SH3GL2: variants seen among roughly 807,000 people sequenced by gnomAD.
SH3GL2 encodes SH3 domain containing GRB2 like 2, endophilin A1.
SH3GL2 carries 24 observed loss-of-function variants against 46.0 expected under a neutral mutation model. The ratio of observed to expected loss-of-function variants is 0.52; its 90% CI spans 0.38 to 0.73. The LOEUF is 0.73. Ranked by LOEUF, SH3GL2 falls within the 30% of genes least tolerant of loss-of-function variation. The pLI, the probability that SH3GL2 is intolerant of heterozygous loss-of-function variation, is 0.00. For synonymous variants in SH3GL2, 196 were observed against 147.1 expected (o/e 1.33, Z -2.40); for missense variants, 413 against 424.2 (o/e 0.97, Z 0.23).
At chr9:17,714,817 A>G (rs57049043) in intron 1 of SH3GL2, among the ~76,000 whole-genome samples, 16,510 of 151,764 alleles carry the variant, frequency 0.11, 2,970 homozygotes, top group African/African-American at 0.37. Flanking sequence ...AACATTTTCT[A>G]TGCTTTTAAT....
chr9:17,654,085 A>G (rs1286741945), intron 1 of SH3GL2, among the ~76,000 whole-genome samples: 24 of 152,264 alleles, frequency 1.6e-4, no homozygotes, highest in Non-Finnish European at 2.9e-5. Context: ...GAAGGTGTCA[A>G]GACACGGAGA....
chr9:17,729,766 G>C lies in SH3GL2; in HGVS notation c.46-17300G>C, dbSNP rs1330142939. 1.3e-5 allele frequency among the ~76,000 whole-genome samples: 2 copies of C among 152,162 alleles called. 1 individual carries two copies. The highest frequency in any genetic ancestry group is 1.3e-4 in the Admixed American group (2 of 15,270). On this transcript the variant is annotated intron_variant, in intron 1 of 8. Transcript: ENST00000380607. ...TGTCAGGTTTGTCAAAGATCAGATAGTTGTAGATGTGTAGTGTTATTTCTG... is the reference window on the plus strand; with the variant it reads ...TGTCAGGTTTGTCAAAGATCAGATACTTGTAGATGTGTAGTGTTATTTCTG...
At chr9:17,602,314 A>C (rs1818685998) in intron 1 of SH3GL2, among the ~76,000 whole-genome samples, 2 of 152,206 alleles carry the variant, frequency 1.3e-5, no homozygotes, top group South Asian at 4.1e-4. Context: ...AGGCGAAAGT[A>C]ATGATAGCTG....
chr9:17,692,855 G>C (rs903074218), intron 1 of SH3GL2, among the ~76,000 whole-genome samples: 12 of 152,118 alleles, frequency 7.9e-5, no homozygotes, highest in Non-Finnish European at 1.6e-4. Context: ...GAGGTAAAAG[G>C]CACTTCTAAC....
At chr9:17,751,868 G>A in intron 2 of SH3GL2, among the ~76,000 whole-genome samples, 1 of 152,078 alleles carries the variant, frequency 6.6e-6, no homozygotes, top group East Asian at 1.9e-4. Context: ...CCCGGTGTGG[G>A]GATGTAAGAA....
At chr9:17,579,896 T>G (rs901460112) in intron 1 of SH3GL2, among the ~76,000 whole-genome samples, 1 of 152,220 alleles carries the variant, frequency 6.6e-6, no homozygotes, top group African/African-American at 2.4e-5. Flanking sequence ...TGAAACTCCT[T>G]TGAGGCCAGG....
chr9:17,685,329 T>C (rs1459043263), intron 1 of SH3GL2, among the ~76,000 whole-genome samples: 1 of 152,090 alleles, frequency 6.6e-6, no homozygotes, highest in Non-Finnish European at 1.5e-5. Context: ...ATATTAATTC[T>C]TGCTTTTGAG....
chr9:17,795,722 T>G lies in SH3GL2; in HGVS notation c.1038T>G (p.Ile346Met). Reference sequence around the variant, plus strand: ...TCTTCCCCATCAATTATGTGGAAATTCTGGTTGCCCTGCCCCATTAGGATG... The same window carrying G: ...TCTTCCCCATCAATTATGTGGAAATGCTGGTTGCCCTGCCCCATTAGGATG... ...SGFFPINYVE[I>M]LVALPH Residue 346 changes from isoleucine (I) to methionine (M), a missense_variant, in exon 9 of 9, where the codon ATT becomes ATG. Physicochemically the swap from Ile to Met is conservative, Grantham distance 10. Coordinates refer to ENST00000380607, the MANE Select transcript of SH3GL2 (RefSeq NM_003026.5). 1 of 1,613,852 alleles carries G rather than the reference T, an allele frequency of 6.2e-7. No individual in the cohort carries two copies. The highest frequency in any genetic ancestry group is 1.3e-5 in the African/African-American group (1 of 75,038).
intron 1 of SH3GL2, among the ~76,000 whole-genome samples, chr9:17,713,666 A>G (rs1353033752): frequency 6.6e-6 from 1 of 151,608 alleles, no homozygotes; most frequent in African/African-American, 2.4e-5. Context: ...GTGCATTATT[A>G]ACTTTATAAA....
chr9:17,686,284 A>G (rs955480710), intron 1 of SH3GL2, among the ~76,000 whole-genome samples: 1 of 133,058 alleles, frequency 7.5e-6, no homozygotes, highest in African/African-American at 3.0e-5. Flanking sequence ...AAAAGTCAGG[A>G]AACAACAGGT....
intron 2 of SH3GL2, 108 bp downstream of exon 2, chr9:17,747,242 A>G: frequency 1.6e-6 from 1 of 625,634 alleles, no homozygotes; most frequent in East Asian, 2.9e-5. Context: ...GGTCTCTGAG[A>G]ATACTACATT....
chr9:17,772,688 G>A (rs1029528527), intron 3 of SH3GL2, among the ~76,000 whole-genome samples: 5 of 152,100 alleles, frequency 3.3e-5, no homozygotes, highest in Non-Finnish European at 5.9e-5. Flanking sequence ...TCCTTTTTAA[G>A]GCTGAATAGT....
chr9:17,773,270 C>T (rs528446898), intron 3 of SH3GL2, among the ~76,000 whole-genome samples: 2 of 152,110 alleles, frequency 1.3e-5, no homozygotes, highest in African/African-American at 4.8e-5. Flanking sequence ...TGCCTTTTTA[C>T]TCAGTTTCTA....
intron 1 of SH3GL2, among the ~76,000 whole-genome samples, chr9:17,616,267 C>T (rs2134591217): frequency 6.6e-6 from 1 of 152,310 alleles, no homozygotes; most frequent in Non-Finnish European, 1.5e-5. Context: ...AGGAAAGAAG[C>T]ATGATGACTT....
Position 17,780,182 on chromosome 9 carries a change from T to A in SH3GL2, c.188-6199T>A, listed in dbSNP as rs552867144. Among the ~76,000 whole-genome samples, 290 of 152,252 alleles carry A rather than the reference T, an allele frequency of 1.9e-3. 3 individuals carry two copies. Among genetic ancestry groups the A allele is most frequent in the Admixed American group, 6.2e-3 (94 of 15,282 alleles). ...TAAACTTCTGTTTAAAGGTACATGG[T>A]TCAAGAAACTGAACATTGTCAACAT... On this transcript the variant is annotated intron_variant, in intron 3 of 8. Coordinates refer to ENST00000380607, the MANE Select transcript of SH3GL2 (RefSeq NM_003026.5).
At chr9:17,620,143 C>A (rs1271236318) in intron 1 of SH3GL2, among the ~76,000 whole-genome samples, 11 of 152,104 alleles carry the variant, frequency 7.2e-5, no homozygotes, top group African/African-American at 2.7e-4. Context: ...GAAGTTAAAT[C>A]AAGGCTCCAT....
Position 17,673,141 on chromosome 9 carries a change from C to CT in SH3GL2, c.46-73916dup, listed in dbSNP as rs1008355234. Among the ~76,000 whole-genome samples, 7 of 150,708 alleles carry CT rather than the reference C, an allele frequency of 4.6e-5. No homozygotes were observed. In the South Asian group the frequency reaches 8.5e-4, roughly 18 times the overall value. On this transcript the variant is annotated intron_variant, in intron 1 of 8. Coordinates refer to ENST00000380607, the MANE Select transcript of SH3GL2 (RefSeq NM_003026.5). Reference sequence around the variant, plus strand: ...CTACTCTTAGAGTCTCTCACCTTGACTTTTTTTTTGTTTGTTTGTTTGTTT... The same window carrying CT: ...CTACTCTTAGAGTCTCTCACCTTGACTTTTTTTTTTGTTTGTTTGTTTGTTT...
rs188276708 is a variant in SH3GL2 at position 17,651,675 on chromosome 9, A to G, written c.45+72388A>G. ...TAAGGAAGTCTTTATTTTGCTTTTT[A>G]TTTTGAAAGAGATTTGTGTTGGCTA... On this transcript the variant is annotated intron_variant, in intron 1 of 8. Transcript: ENST00000380607. 7.9e-5 allele frequency among the ~76,000 whole-genome samples: 12 copies of G among 152,132 alleles called. 1 individual carries two copies. The highest frequency in any genetic ancestry group is 7.9e-4 in the Admixed American group (12 of 15,276).
At chr9:17,616,155 G>A (rs186332146) in intron 1 of SH3GL2, among the ~76,000 whole-genome samples, 1 of 152,250 alleles carries the variant, frequency 6.6e-6, no homozygotes, top group East Asian at 1.9e-4. Flanking sequence ...TAAGCTGTTT[G>A]TGTACAGGAG....
Sources: allele counts gnomAD v4.1 joint callset (sites outside exome capture counted in the v4.1 genomes callset), GRCh38; gene constraint gnomAD v4.1.1; transcripts MANE v1.5; gene names NCBI Gene and HGNC (gene_info 2026-07-23, HGNC 2026-07-21).